MCC: variants seen among roughly 807,000 people sequenced by gnomAD.
MCC encodes MCC regulator of Wnt signaling pathway, also known as colorectal mutant cancer protein.
A neutral mutation model predicts 116.2 loss-of-function variants in MCC; 90 were observed. The observed-to-expected ratio is 0.77, with a 90% confidence interval of 0.65 to 0.92. The LOEUF (loss-of-function observed/expected upper bound fraction) is 0.92. Ranked by LOEUF, MCC falls within the 40% of genes least tolerant of loss-of-function variation. The pLI, the probability that MCC is intolerant of heterozygous loss-of-function variation, is 0.00. For synonymous variants in MCC, 578 were observed against 510.5 expected, an observed-to-expected ratio of 1.13 and a Z score of -1.78; for missense variants, 1,516 against 1,312.2, an observed-to-expected ratio of 1.16 and a Z score of -2.40.
chr5:113,053,459 A>G (rs1223814204), intron 15 of MCC, among the ~76,000 whole-genome samples: 1 of 152,136 alleles, frequency 6.6e-6, no homozygotes, highest in Non-Finnish European at 1.5e-5. Context: ...CAGAGGTCTG[A>G]CCTGGCTTCT....
intron 6 of MCC, chr5:113,104,637 C>A: frequency 3.8e-6 from 1 of 265,488 alleles, no homozygotes; most frequent in Non-Finnish European, 7.1e-6. Context: ...AAAGAAATGC[C>A]CAGAAGAGGC....
intron 2 of MCC, among the ~76,000 whole-genome samples, chr5:113,374,991 CAAAA>C (rs70973680): frequency 1.2e-5 from 1 of 85,224 alleles, no homozygotes. Flanking sequence ...GACCCTGTCT[CAAAA>C]AAAAAAAAAA....
chr5:113,108,656 A>G (rs1756900509), intron 6 of MCC, among the ~76,000 whole-genome samples: 1 of 151,166 alleles, frequency 6.6e-6, no homozygotes, highest in South Asian at 2.1e-4. Flanking sequence ...CCATTTCAAA[A>G]AAAAAAAAAA....
At chr5:113,163,387 T>C (rs918251491) in intron 3 of MCC, among the ~76,000 whole-genome samples, 2 of 152,208 alleles carry the variant, frequency 1.3e-5, no homozygotes, top group Non-Finnish European at 2.9e-5. Context: ...TATAATTAAC[T>C]TAGCAATCAT....
chr5:113,347,993 G>A (rs2150381089), intron 2 of MCC, among the ~76,000 whole-genome samples: 1 of 152,160 alleles, frequency 6.6e-6, no homozygotes, highest in Admixed American at 6.5e-5. Context: ...ATTATATAAT[G>A]ATAAAGGGGT....
chr5:113,041,110 C>G (rs910641644), intron 17 of MCC, among the ~76,000 whole-genome samples: 3 of 152,176 alleles, frequency 2.0e-5, no homozygotes, highest in African/African-American at 4.8e-5. Flanking sequence ...ACTGCACGGC[C>G]AGAGGCTCTG....
intron 3 of MCC, among the ~76,000 whole-genome samples, chr5:113,168,749 G>C (rs1581192217): frequency 2.0e-5 from 3 of 152,140 alleles, no homozygotes; most frequent in Middle Eastern, 6.8e-3. Context: ...GGTGGTGTTG[G>C]GGGGAAAACA....
intron 6 of MCC, among the ~76,000 whole-genome samples, chr5:113,105,307 C>T (rs898874930): frequency 1.3e-5 from 2 of 152,192 alleles, no homozygotes; most frequent in Non-Finnish European, 2.9e-5. Flanking sequence ...ACCACAGGTT[C>T]CATGTACTAA....
intron 17 of MCC, among the ~76,000 whole-genome samples, chr5:113,029,596 A>G (rs1426646770): frequency 2.0e-5 from 3 of 152,120 alleles, no homozygotes; most frequent in African/African-American, 7.2e-5. Context: ...TTCCCATGAA[A>G]TTACATTTGC....
intron 1 of MCC, among the ~76,000 whole-genome samples, chr5:113,397,660 T>G (rs13162970): frequency 0.092 from 13,942 of 152,172 alleles, 962 homozygotes; most frequent in Non-Finnish European, 0.12. Context: ...AACTGTCCCC[T>G]TACTTATCAC....
intron 3 of MCC, among the ~76,000 whole-genome samples, chr5:113,198,479 G>C (rs1345781636): frequency 1.3e-5 from 2 of 151,712 alleles, no homozygotes; most frequent in African/African-American, 4.8e-5. Flanking sequence ...AGAATGGCTG[G>C]AGCCCAGGAG....
intron 3 of MCC, among the ~76,000 whole-genome samples, chr5:113,225,192 C>T (rs189086614): frequency 9.2e-5 from 14 of 152,338 alleles, no homozygotes; most frequent in South Asian, 6.2e-4. Flanking sequence ...ACACTAGTTC[C>T]GATCTGACTT....
intron 2 of MCC, among the ~76,000 whole-genome samples, chr5:113,359,022 C>G (rs547102745): frequency 3.9e-5 from 6 of 152,192 alleles, no homozygotes; most frequent in Non-Finnish European, 1.5e-5. Context: ...TATCCTTCTC[C>G]TAAGGAAAAA....
Position 113,043,581 on chromosome 5 carries a change from G to T in MCC, c.2705C>A (p.Thr902Lys), listed in dbSNP as rs868741568. 5.6e-6 allele frequency: 9 copies of T among 1,614,212 alleles called. No homozygotes were observed. Among genetic ancestry groups the T allele is most frequent in the Non-Finnish European group, 6.8e-6 (8 of 1,180,040 alleles). The part of the protein sequence containing the change: ...SPALSLAELR[T>K]TCSENELAAE... ...AGCCAGCTCATTCTCGCTGCACGTT[G>T]TCCTGAGTTCGGCTAGGGACAGAGC... The change falls in exon 17 of 19, where the codon ACA (threonine) becomes AAA (lysine). Residue 902 changes from threonine (T) to lysine (K), a missense_variant. Physicochemically the swap from Thr to Lys is moderately conservative, Grantham distance 78 (BLOSUM62 -1). Transcript: ENST00000408903.
intron 16 of MCC, among the ~76,000 whole-genome samples, chr5:113,045,815 AATT>A (rs1355191894): frequency 6.6e-6 from 1 of 151,660 alleles, no homozygotes; most frequent in South Asian, 2.1e-4. Flanking sequence ...AAAAAAAAAA[AATT>A]AAATAAAGTG....
chr5:113,222,793 T>C (rs1763599284), intron 3 of MCC, among the ~76,000 whole-genome samples: 1 of 152,172 alleles, frequency 6.6e-6, no homozygotes, highest in African/African-American at 2.4e-5. Flanking sequence ...ATACAACCCC[T>C]ATCCTCAAGG....
chr5:113,041,451 G>A (rs1465984283), intron 17 of MCC, among the ~76,000 whole-genome samples: 1 of 152,214 alleles, frequency 6.6e-6, no homozygotes, highest in Non-Finnish European at 1.5e-5. Flanking sequence ...AAACCACAAT[G>A]CAAAATGAAT....
rs573348888 is a variant in MCC, at chr5:113,080,180, C to T, written c.1784+2680G>A. Among the ~76,000 whole-genome samples the T allele has an allele frequency of 1.5e-4, 23 of 152,280 alleles. No individual in the cohort carries two copies. In the South Asian group the frequency reaches 3.5e-3, roughly 23 times the overall value. On this transcript the variant is annotated intron_variant, in intron 11 of 18. Coordinates refer to ENST00000408903, the MANE Select transcript of MCC (RefSeq NM_001085377.2). Reference sequence around the variant, plus strand: ...AGGTGCTGGAAAGGATGTGGAGAAACAGGAACACTTTTACACTGTTGGTGG... The same window carrying T: ...AGGTGCTGGAAAGGATGTGGAGAAATAGGAACACTTTTACACTGTTGGTGG...
rs556369536 is a variant in MCC at position 113,293,430 on chromosome 5, G to A, written c.627+47089C>T. On this transcript the variant is annotated intron_variant, in intron 3 of 18. Transcript: ENST00000408903. Reference sequence around the variant, plus strand: ...TTGCCCCCATAAATGGCTCAGTGATGGAACCAAGAGGGAAACCCACAGACA... The same window carrying A: ...TTGCCCCCATAAATGGCTCAGTGATAGAACCAAGAGGGAAACCCACAGACA... 7.6e-4 allele frequency among the ~76,000 whole-genome samples: 116 copies of A among 152,256 alleles called. 2 individuals carry two copies. The highest frequency in any genetic ancestry group is 7.2e-3 in the Admixed American group (110 of 15,290).
Sources: gnomAD v4.1 joint callset for allele counts (sites outside exome capture counted in the v4.1 genomes callset) on GRCh38, gnomAD v4.1.1 for gene constraint, MANE v1.5 for transcripts, NCBI Gene and HGNC (gene_info 2026-07-23, HGNC 2026-07-21) for gene names.